SCO2: variants seen among roughly 807,000 people sequenced by gnomAD.
SCO2 encodes the protein cytochrome c oxidase assembly factor SCO2.
For synonymous variants in SCO2, 195 were observed against 148.6 expected (o/e 1.31, Z -2.27); for missense variants, 429 against 348.7 (o/e 1.23, Z -1.83).
Position 50,523,828 on chromosome 22 carries a change from G to C in SCO2, c.584C>G (p.Thr195Ser). 1 of 1,614,096 alleles carries C rather than the reference G, an allele frequency of 6.2e-7. No homozygotes were observed. Among genetic ancestry groups the C allele is most frequent in the African/African-American group, 1.3e-5 (1 of 75,048 alleles). The change falls in exon 2 of 2, where the codon ACC (threonine) becomes AGC (serine). Residue 195 changes from threonine to serine, a missense_variant. By Grantham distance (58) the Thr-to-Ser change is moderately conservative. Transcript: ENST00000395693. ...HPRLLGLTGS[T>S]KQVAQASHSY... The stretch of plus-strand genomic sequence containing the variant: ...GTGACTAGCCTGGGCAACCTGTTTG[G>C]TGGAGCCGGTCAGACCCAACAGTCT...
Position 50,523,919 on chromosome 22 carries a change from T to C in SCO2, c.493A>G (p.Ile165Val). The change falls in exon 2 of 2, where the codon ATC becomes GTC. Residue 165 changes from isoleucine (I) to valine (V), a missense_variant. Transcript: ENST00000395693. Reference protein sequence around the residue: ...PGLPPVQPVFITVDPERDDVE... With the variant: ...PGLPPVQPVFVTVDPERDDVE... Reference sequence around the variant, plus strand: ...TCGTCCCGCTCGGGGTCCACAGTGATGAAGACAGGCTGCACTGGAGGCAAA... The same window carrying C: ...TCGTCCCGCTCGGGGTCCACAGTGACGAAGACAGGCTGCACTGGAGGCAAA... 6.2e-7 allele frequency: 1 copy of C among 1,613,480 alleles called. No homozygotes were observed. Among genetic ancestry groups the C allele is most frequent in the South Asian group, 1.1e-5 (1 of 91,080 alleles).
intron 1 of SCO2, chr22:50,524,653 C>T (rs1279596020): frequency 2.9e-6 from 2 of 696,136 alleles, no homozygotes; most frequent in African/African-American, 3.5e-5. Flanking sequence ...ACCAGCCTGT[C>T]ACCGCACCCT....
At chr22:50,525,058 G>A (rs536490501) in intron 1 of SCO2, among the ~76,000 whole-genome samples, 3 of 152,220 alleles carry the variant, frequency 2.0e-5, no homozygotes, top group Non-Finnish European at 4.4e-5. Context: ...CTGCCTTTGC[G>A]TTGGTGACCT....
At chr22:50,524,724 T>G in intron 1 of SCO2, 1 of 595,406 alleles carries the variant, frequency 1.7e-6, no homozygotes, top group Non-Finnish European at 3.3e-6. Flanking sequence ...TCCAAGTGCA[T>G]GCCTTGCCTG....
Position 50,525,461 on chromosome 22 carries a change from GGCGTCCGCACCTCGCGGC to G in SCO2, c.-21_-14+10del. 1 of 447,864 alleles carries G rather than the reference GGCGTCCGCACCTCGCGGC, an allele frequency of 2.2e-6. No individual in the cohort carries two copies. The highest frequency in any genetic ancestry group is 2.4e-5 in the South Asian group (1 of 42,244). The allele number at this position is 447,864 out of a possible 1,614,324, so 27.7% of individuals were successfully genotyped here. ...GGCTACCTCCTCCCCTCCCAGCCCC[GGCGTCCGCACCTCGCGGC>G]GGGGCCGCGCGTCAGTGGACCAAGC... On this transcript the variant is annotated splice_donor_variant and splice_donor_5th_base_variant and 5_prime_UTR_variant and intron_variant, in exon 1 of 2. Transcript: ENST00000395693. LOFTEE classifies it low-confidence loss of function (5UTR_SPLICE).
At chr22:50,525,635 G>C, upstream of SCO2, 1 of 1,360,634 alleles carries the variant, frequency 7.3e-7, no homozygotes, top group Non-Finnish European at 1.0e-6. Context: ...CGCAGCCGCT[G>C]ACAGGCTCTC....
rs375954523 is a variant in SCO2, at chr22:50,524,054, G to A, written c.358C>T (p.Arg120Trp). The A allele has an allele frequency of 2.6e-5, 42 of 1,613,272 alleles. No individual in the cohort carries two copies. The East Asian group carries it at 4.9e-4, about 19-fold the overall frequency. The stretch of plus-strand genomic sequence containing the variant: ...AAGTACATCAGCACCCACTGGCCCC[G>A]GAAGTCAGCCTTGCAGCGAGCCCGG... ...RGRARCKADF[R>W]GQWVLMYFGF... Residue 120 changes from arginine to tryptophan, a missense_variant, in exon 2 of 2, where the codon CGG (arginine) becomes TGG (tryptophan). Transcript: ENST00000395693.
chr22:50,524,161 C>T lies in SCO2; in HGVS notation c.251G>A (p.Arg84Lys), dbSNP rs1228771031. Residue 84 changes from arginine to lysine, a missense_variant, in exon 2 of 2, where the codon AGG (arginine) becomes AAG (lysine). By Grantham distance (26) the Arg-to-Lys change is conservative (BLOSUM62 2). Transcript: ENST00000395693. The stretch of plus-strand genomic sequence containing the variant: ...TTCTGTTCGCTTTTGCTGCTGCAGC[C>T]TCTCCTTCTCAGCCCTCAGGGCCAG... The part of the protein sequence containing the change: ...AWLALRAEKE[R>K]LQQQKRTEAL... 4 of 1,610,998 alleles carry T rather than the reference C, an allele frequency of 2.5e-6. No individual in the cohort carries two copies. The highest frequency in any genetic ancestry group is 2.2e-5 in the East Asian group (1 of 44,892).
upstream of SCO2, chr22:50,526,302 C>T: frequency 6.4e-7 from 1 of 1,556,874 alleles, no homozygotes; most frequent in Non-Finnish European, 8.6e-7. Context: ...CAGCTGCCGG[C>T]GTTCTGCGGG....
At chr22:50,526,111 A>C, upstream of SCO2, 1 of 1,489,170 alleles carries the variant, frequency 6.7e-7, no homozygotes, top group Non-Finnish European at 8.9e-7. Flanking sequence ...CACCAGCGCC[A>C]GCGGCAGCGC....
At chr22:50,526,004 G>A, upstream of SCO2, 2 of 1,438,062 alleles carry the variant, frequency 1.4e-6, no homozygotes, top group Non-Finnish European at 9.1e-7. Context: ...CGCTCACCAC[G>A]GCGCAGCCTC....
At position 50,523,732 on chromosome 22, in the gene SCO2, G is replaced by A. The variant is rs2069191733; in HGVS notation, c.680C>T (p.Ala227Val). 4 of 1,614,216 alleles carry A rather than the reference G, an allele frequency of 2.5e-6. No homozygotes were observed. The highest frequency in any genetic ancestry group is 2.2e-5 in the East Asian group (1 of 44,884). The change falls in exon 2 of 2, where the codon GCC becomes GTC. Residue 227 changes from alanine to valine, a missense_variant. Ala to Val is a moderately conservative substitution (Grantham distance 64). Coordinates refer to ENST00000395693, the MANE Select transcript of SCO2 (RefSeq NM_005138.3). The stretch of plus-strand genomic sequence containing the variant: ...GCCGTCAGGGTTGAGCAGGTAGATG[G>A]CAATGGAGTGGTCCACGATGTAGTC... ...DQDYIVDHSI[A>V]IYLLNPDGLF...
chr22:50,525,901 C>A (rs747938170), upstream of SCO2: 1 of 1,556,398 alleles, frequency 6.4e-7, no homozygotes, highest in Non-Finnish European at 8.7e-7. Flanking sequence ...TCCCGGTGCA[C>A]GCGGAGCCAG....
In SCO2 at chr22:50,524,099, G is replaced by A; in HGVS notation, c.313C>T (p.His105Tyr). The A allele has an allele frequency of 6.2e-7, 1 of 1,613,032 alleles. No homozygotes were observed. Among genetic ancestry groups the A allele is most frequent in the Non-Finnish European group, 8.5e-7 (1 of 1,180,022 alleles). Residue 105 changes from histidine (H) to tyrosine (Y), a missense_variant, in exon 2 of 2, where the codon CAC becomes TAC. Physicochemically the swap from His to Tyr is moderately conservative, Grantham distance 83 (BLOSUM62 2). Coordinates refer to ENST00000395693, the MANE Select transcript of SCO2 (RefSeq NM_005138.3). ...RQAAVGQGDF[H>Y]LLDHRGRARC... Reference sequence around the variant, plus strand: ...GCCCGGCCTCTGTGATCCAGCAGGTGGAAGTCGCCCTGGCCCACAGCTGCC... The same window carrying A: ...GCCCGGCCTCTGTGATCCAGCAGGTAGAAGTCGCCCTGGCCCACAGCTGCC...
In SCO2 at chr22:50,524,358, C is replaced by T. The variant is rs2069234155; in HGVS notation, c.54G>A (p.Lys18=). The part of the protein sequence containing the change: ...PTAWHRLSQL[K]PRVLPGTLGG... ...CCAGGGTCCCAGGGAGGACCCGAGG[C>T]TTGAGCTGAGAGAGCCTGTGCCAAG... Residue 18 remains lysine (K), a synonymous_variant, in exon 2 of 2, where the codon AAG becomes AAA. Transcript: ENST00000395693. The T allele has an allele frequency of 1.2e-6, 2 of 1,602,130 alleles. No individual in the cohort carries two copies. The highest frequency in any genetic ancestry group is 8.5e-7 in the Non-Finnish European group (1 of 1,179,934).
At chr22:50,525,016 C>T (rs1569521757) in intron 1 of SCO2, among the ~76,000 whole-genome samples, 1 of 152,208 alleles carries the variant, frequency 6.6e-6, no homozygotes, top group Non-Finnish European at 1.5e-5. Context: ...TCCAGGCTTC[C>T]CAGCAGCTCC....
rs145100473 is a variant in SCO2 at position 50,524,071 on chromosome 22, C to T, written c.341G>A (p.Arg114His). The change falls in exon 2 of 2, where the codon CGC (arginine) becomes CAC (histidine). Residue 114 changes from arginine to histidine, a missense_variant. Coordinates refer to ENST00000395693, the MANE Select transcript of SCO2 (RefSeq NM_005138.3). The part of the protein sequence containing the change: ...FHLLDHRGRA[R>H]CKADFRGQWV... ...CTGGCCCCGGAAGTCAGCCTTGCAG[C>T]GAGCCCGGCCTCTGTGATCCAGCAG... 636 of 1,613,244 alleles carry T rather than the reference C, an allele frequency of 3.9e-4. 7 individuals are homozygous for T. The highest frequency in any genetic ancestry group is 3.7e-3 in the Admixed American group (220 of 60,026).
At position 50,524,053 on chromosome 22, in the gene SCO2, C is replaced by T. The variant is rs768674109; in HGVS notation, c.359G>A (p.Arg120Gln). 2.6e-5 allele frequency: 42 copies of T among 1,613,296 alleles called. No individual in the cohort carries two copies. The highest frequency in any genetic ancestry group is 3.3e-5 in the South Asian group (3 of 91,088). Residue 120 changes from arginine to glutamine, a missense_variant, in exon 2 of 2, where the codon CGG becomes CAG. Arg to Gln is a conservative substitution (Grantham distance 43). Transcript: ENST00000395693. Reference protein sequence around the residue: ...RGRARCKADFRGQWVLMYFGF... With the variant: ...RGRARCKADFQGQWVLMYFGF... ...AAAGTACATCAGCACCCACTGGCCC[C>T]GGAAGTCAGCCTTGCAGCGAGCCCG...
chr22:50,526,288 G>A (rs758004872), upstream of SCO2: 13 of 1,551,374 alleles, frequency 8.4e-6, no homozygotes, highest in South Asian at 1.5e-4. Flanking sequence ...CGGGCGCGAG[G>A]CAGCAGCTGC....
Sources: gnomAD v4.1 joint callset for allele counts (sites outside exome capture counted in the v4.1 genomes callset) on GRCh38, gnomAD v4.1.1 for gene constraint, MANE v1.5 for transcripts, NCBI Gene and HGNC (gene_info 2026-07-23, HGNC 2026-07-21) for gene names.